GALNT13: variants seen among roughly 807,000 people sequenced by gnomAD.
GALNT13 encodes UDP-GalNAc:polypeptide N-acetylgalactosaminyltransferase 13.
A neutral mutation model predicts 64.2 loss-of-function variants in GALNT13; 28 were observed. That is an observed-to-expected ratio of 0.44 (90% CI 0.32 to 0.60). The LOEUF (loss-of-function observed/expected upper bound fraction) is 0.60, where lower values mean the gene tolerates loss of function less well. GALNT13 is among the 20% of genes least tolerant of loss of function. GALNT13 has a pLI of 0.05. For synonymous variants in GALNT13, 214 were observed against 224.6 expected, an observed-to-expected ratio of 0.95 and a Z score of 0.42; for missense variants, 577 against 669.8, an observed-to-expected ratio of 0.86 and a Z score of 1.53.
chr2:153,341,801 G>C, the GALNT13 span, among the ~76,000 whole-genome samples: 2 of 152,128 alleles, frequency 1.3e-5, no homozygotes, highest in Non-Finnish European at 2.9e-5. Flanking sequence ...TCCTTGGCAG[G>C]CTTACCAGGC....
At chr2:154,188,294 G>A (rs778392589) in intron 4 of GALNT13, among the ~76,000 whole-genome samples, 11 of 152,088 alleles carry the variant, frequency 7.2e-5, no homozygotes, top group Non-Finnish European at 1.2e-4. Flanking sequence ...AGTACAAGGT[G>A]TCAACAGTCC....
At chr2:154,075,964 C>T (rs1172626256) in intron 3 of GALNT13, among the ~76,000 whole-genome samples, 1 of 151,256 alleles carries the variant, frequency 6.6e-6, no homozygotes, top group Non-Finnish European at 1.5e-5. Flanking sequence ...TGAAAACAAC[C>T]CTTTGAAATA....
chr2:153,956,858 G>A (rs1020799018), intron 3 of GALNT13, among the ~76,000 whole-genome samples: 1 of 151,868 alleles, frequency 6.6e-6, no homozygotes, highest in Non-Finnish European at 1.5e-5. Context: ...CACATAATAC[G>A]CTCACTATTT....
intron 8 of GALNT13, among the ~76,000 whole-genome samples, chr2:154,260,036 C>G (rs1690607553): frequency 6.6e-6 from 1 of 152,114 alleles, no homozygotes; most frequent in Admixed American, 6.5e-5. Context: ...GTGTGCAACA[C>G]TACTCCTAGC....
At chr2:153,235,517 C>G in the GALNT13 span, among the ~76,000 whole-genome samples, 1 of 152,070 alleles carries the variant, frequency 6.6e-6, no homozygotes, top group Admixed American at 6.5e-5. Flanking sequence ...GCTGTAAATG[C>G]TAGTACATGT....
chr2:153,723,242 A>C, the GALNT13 span, among the ~76,000 whole-genome samples: 1 of 147,576 alleles, frequency 6.8e-6, no homozygotes, highest in Non-Finnish European at 1.5e-5. Context: ...AGCCTTTGAC[A>C]AAATTCAACA....
intron 8 of GALNT13, among the ~76,000 whole-genome samples, chr2:154,298,526 A>AT (rs1693096210): frequency 2.3e-5 from 2 of 88,206 alleles, no homozygotes; most frequent in African/African-American, 8.0e-5. Flanking sequence ...TATTATATAT[A>AT]AAATTGTATA....
At chr2:154,365,797 G>A (rs1298630739) in intron 9 of GALNT13, among the ~76,000 whole-genome samples, 3 of 152,192 alleles carry the variant, frequency 2.0e-5, no homozygotes, top group Admixed American at 2.0e-4. Flanking sequence ...TACTGCATGA[G>A]AAGAACTATC....
chr2:153,548,502 C>G, the GALNT13 span, among the ~76,000 whole-genome samples: 236 of 152,124 alleles, frequency 1.6e-3, 8 homozygotes, highest in East Asian at 0.037. Context: ...TGAGAGACAC[C>G]CGAACAGGAG....
chr2:153,869,767 T>C (rs1246803849), upstream of GALNT13, among the ~76,000 whole-genome samples: 3 of 152,168 alleles, frequency 2.0e-5, no homozygotes, highest in Admixed American at 6.5e-5. Context: ...TGTGTATGCA[T>C]TCTCCTTGAA....
chr2:153,437,648 C>A, the GALNT13 span, among the ~76,000 whole-genome samples: 1 of 152,080 alleles, frequency 6.6e-6, no homozygotes, highest in East Asian at 1.9e-4. Flanking sequence ...AGGATTGCAA[C>A]CCCTGCTTTT....
chr2:154,403,590 C>G (rs545027738), intron 10 of GALNT13, among the ~76,000 whole-genome samples: 1 of 152,216 alleles, frequency 6.6e-6, no homozygotes, highest in Non-Finnish European at 1.5e-5. Context: ...CTGCTTATCT[C>G]TCAGGTCACC....
the GALNT13 span, among the ~76,000 whole-genome samples, chr2:153,162,667 A>T: frequency 6.6e-5 from 10 of 152,190 alleles, no homozygotes; most frequent in Admixed American, 6.5e-4. Context: ...AGATACCCAT[A>T]GATGTTTTTG....
the GALNT13 span, among the ~76,000 whole-genome samples, chr2:153,632,841 C>T: frequency 5.9e-5 from 9 of 152,062 alleles, no homozygotes; most frequent in Non-Finnish European, 1.3e-4. Context: ...CAACCTTCAC[C>T]TCCTGGGTTC....
At chr2:153,473,131 AC>A in the GALNT13 span, among the ~76,000 whole-genome samples, 11 of 152,076 alleles carry the variant, frequency 7.2e-5, no homozygotes, top group Admixed American at 7.2e-4. Context: ...GTACGTGTAT[AC>A]CTATGTAATA....
At chr2:154,075,777 T>C (rs533252662) in intron 3 of GALNT13, among the ~76,000 whole-genome samples, 3 of 148,468 alleles carry the variant, frequency 2.0e-5, no homozygotes, top group African/African-American at 7.2e-5. Flanking sequence ...TATTTTTGTT[T>C]GTTTTTATCT....
At chr2:154,237,755 T>G (rs1459879551) in intron 4 of GALNT13, among the ~76,000 whole-genome samples, 5 of 151,748 alleles carry the variant, frequency 3.3e-5, no homozygotes, top group African/African-American at 1.2e-4. Flanking sequence ...TAGCCATTGC[T>G]TCATCTAGAT....
chr2:153,139,609 A>T, the GALNT13 span, among the ~76,000 whole-genome samples: 1 of 152,048 alleles, frequency 6.6e-6, no homozygotes. Context: ...TAAGAAGGAC[A>T]GTTCAAGCTC....
intron 4 of GALNT13, among the ~76,000 whole-genome samples, chr2:154,229,264 A>G (rs1230836732): frequency 6.6e-6 from 1 of 152,126 alleles, no homozygotes; most frequent in Non-Finnish European, 1.5e-5. Context: ...TTCGTTATCA[A>G]TAACTACATC....
Sources: allele counts gnomAD v4.1 joint callset (sites outside exome capture counted in the v4.1 genomes callset), GRCh38; gene constraint gnomAD v4.1.1; transcripts MANE v1.5; gene names NCBI Gene and HGNC (gene_info 2026-07-23, HGNC 2026-07-21).